ZPBP: variants seen among roughly 807,000 people sequenced by gnomAD.
The protein encoded by ZPBP is zona pellucida-binding protein 1.
Under a neutral mutation model 44.8 loss-of-function variants are expected in ZPBP, and 26 were observed. That is an observed-to-expected ratio of 0.58 (90% CI 0.43 to 0.81). ZPBP has a LOEUF of 0.81. Ranked by LOEUF, ZPBP falls within the 30% of genes least tolerant of loss-of-function variation. The pLI is 0.00. For synonymous variants in ZPBP, 174 were observed against 153.2 expected (o/e 1.14, Z -1.00); for missense variants, 409 against 434.0 (o/e 0.94, Z 0.51).
At chr7:49,975,986 CA>C (rs1217022475) in intron 7 of ZPBP, among the ~76,000 whole-genome samples, 1 of 152,070 alleles carries the variant, frequency 6.6e-6, no homozygotes, top group Non-Finnish European at 1.5e-5. Context: ...TTGTTATATA[CA>C]TATTATTTTA....
chr7:49,994,848 T>C (rs116427914), intron 6 of ZPBP, among the ~76,000 whole-genome samples: 115 of 152,296 alleles, frequency 7.6e-4, no homozygotes, highest in African/African-American at 2.6e-3. Flanking sequence ...ATTTCTCTTG[T>C]TCTGGGCCCA....
chr7:49,977,503 G>T (rs1385129035), intron 7 of ZPBP, among the ~76,000 whole-genome samples: 1 of 152,034 alleles, frequency 6.6e-6, no homozygotes, highest in Non-Finnish European at 1.5e-5. Context: ...AAGTACAAAT[G>T]TACACTTTAT....
At chr7:49,922,354 C>T (rs1460914573) in intron 1 of ZPBP, among the ~76,000 whole-genome samples, 5 of 152,068 alleles carry the variant, frequency 3.3e-5, no homozygotes, top group African/African-American at 4.8e-5. Context: ...GGCTCCTCTG[C>T]GCTGGCTTGG....
intron 4 of ZPBP, among the ~76,000 whole-genome samples, chr7:50,044,515 T>TA (rs1349164111): frequency 6.6e-6 from 1 of 152,030 alleles, no homozygotes; most frequent in African/African-American, 2.4e-5. Context: ...AAATACAAAC[T>TA]ACCATCAGAA....
chr7:50,046,841 T>C (rs577944977), intron 4 of ZPBP, among the ~76,000 whole-genome samples: 4 of 152,156 alleles, frequency 2.6e-5, no homozygotes, highest in Admixed American at 2.6e-4. Flanking sequence ...AAGACACATG[T>C]ATATGTATGT....
intron 1 of ZPBP, among the ~76,000 whole-genome samples, chr7:49,911,347 TG>T (rs1394145231): frequency 6.6e-6 from 1 of 151,808 alleles, no homozygotes; most frequent in Non-Finnish European, 1.5e-5. Context: ...CTGGGTGTGG[TG>T]GCACGCCCCT....
At chr7:49,876,195 G>A (rs1035898124) in intron 2 of ZPBP, among the ~76,000 whole-genome samples, 2 of 152,166 alleles carry the variant, frequency 1.3e-5, no homozygotes, top group Non-Finnish European at 2.9e-5. Flanking sequence ...AGAGACACAG[G>A]TTGGGTAAAT....
At chr7:49,908,905 T>G (rs1332809099) in intron 1 of ZPBP, among the ~76,000 whole-genome samples, 1 of 152,210 alleles carries the variant, frequency 6.6e-6, no homozygotes. Flanking sequence ...AGATTTTATA[T>G]TCTACAGTAA....
intron 4 of ZPBP, among the ~76,000 whole-genome samples, chr7:50,042,760 C>A (rs1019921500): frequency 1.3e-5 from 2 of 152,168 alleles, no homozygotes; most frequent in African/African-American, 4.8e-5. Context: ...ACTGCATCAA[C>A]TAACAGGCAA....
At chr7:49,898,145 GTA>G (rs1792487484) in intron 2 of ZPBP, among the ~76,000 whole-genome samples, 1 of 151,842 alleles carries the variant, frequency 6.6e-6, no homozygotes, top group African/African-American at 2.4e-5. Flanking sequence ...ATGTGTGTGT[GTA>G]TATATATGTG....
chr7:49,979,623 C>T (rs1796687018), intron 7 of ZPBP, among the ~76,000 whole-genome samples: 1 of 151,216 alleles, frequency 6.6e-6, no homozygotes, highest in East Asian at 1.9e-4. Context: ...ACATTCAAAA[C>T]TACTACTTCA....
At chr7:49,923,403 T>A (rs1794105785) in intron 1 of ZPBP, among the ~76,000 whole-genome samples, 1 of 152,228 alleles carries the variant, frequency 6.6e-6, no homozygotes. Flanking sequence ...CTGAAGGCAG[T>A]TAAACATCTT....
At chr7:50,005,821 ATATGTGTGTGTGTGTGTG>A (rs1203168406) in intron 6 of ZPBP, among the ~76,000 whole-genome samples, 1 of 105,912 alleles carries the variant, frequency 9.4e-6, no homozygotes, top group Non-Finnish European at 1.9e-5. Flanking sequence ...TCATAACTAT[ATATGTGTGTGTGTGTGTG>A]TGTGTGTGTG....
chr7:50,027,218 C>T (rs2128809853), intron 5 of ZPBP, among the ~76,000 whole-genome samples: 1 of 152,084 alleles, frequency 6.6e-6, no homozygotes, highest in South Asian at 2.1e-4. Context: ...GTTGATGTCA[C>T]CAATAAATCT....
Position 50,053,095 on chromosome 7 carries a change from C to T in ZPBP, c.487+4894G>A, listed in dbSNP as rs533941730. On this transcript the variant is annotated intron_variant, in intron 4 of 7. Transcript: ENST00000046087. ...CACACACACAAAAGTACACATAAAC[C>T]TGGAAAAATATGAATAAGATCATAT... Among the ~76,000 whole-genome samples, 6 of 152,064 alleles carry T rather than the reference C, an allele frequency of 3.9e-5. No individual in the cohort carries two copies. In the South Asian group the frequency reaches 1.2e-3, roughly 32 times the overall value.
chr7:49,875,883 C>T (rs1360642123), intron 2 of ZPBP, among the ~76,000 whole-genome samples: 2 of 152,170 alleles, frequency 1.3e-5, no homozygotes, highest in Admixed American at 6.5e-5. Context: ...TTTCTCACCA[C>T]TTTGTCCCTG....
At chr7:50,017,514 A>T (rs1798867173) in intron 6 of ZPBP, among the ~76,000 whole-genome samples, 1 of 152,122 alleles carries the variant, frequency 6.6e-6, no homozygotes, top group African/African-American at 2.4e-5. Flanking sequence ...CCTGACTTAA[A>T]CTATATTTCA....
chr7:49,844,168 C>T, the ZPBP span, among the ~76,000 whole-genome samples: 1 of 152,180 alleles, frequency 6.6e-6, no homozygotes, highest in African/African-American at 2.4e-5. Flanking sequence ...AAGGTCTGCT[C>T]AGACGGGAAT....
chr7:49,998,723 G>T (rs957537772), intron 6 of ZPBP, among the ~76,000 whole-genome samples: 12 of 152,032 alleles, frequency 7.9e-5, no homozygotes, highest in Non-Finnish European at 1.3e-4. Flanking sequence ...AGAGTGATTA[G>T]TATCTTTAAA....
Sources: gnomAD v4.1 joint callset for allele counts (sites outside exome capture counted in the v4.1 genomes callset) on GRCh38, gnomAD v4.1.1 for gene constraint, MANE v1.5 for transcripts, NCBI Gene and HGNC (gene_info 2026-07-23, HGNC 2026-07-21) for gene names.